The following NCOA2 variants were observed in gnomAD, a reference collection of about 807,000 sequenced individuals.
NCOA2 encodes the protein class E basic helix-loop-helix protein 75.
A neutral mutation model predicts 145.1 loss-of-function variants in NCOA2; 21 were observed. The observed-to-expected ratio is 0.14, with a 90% CI of 0.10 to 0.21. The LOEUF is 0.21. Among genes scored for constraint, NCOA2 ranks in the 10% least tolerant of loss-of-function variants. NCOA2 has a pLI of 1.00. For missense variants in NCOA2, 1,472 were observed against 1,837.6 expected (o/e 0.80, Z 3.64); for synonymous variants, 619 against 637.5 (o/e 0.97, Z 0.44).
chr8:70,161,101 G>A (rs1324408442), intron 9 of NCOA2, among the ~76,000 whole-genome samples: 1 of 152,138 alleles, frequency 6.6e-6, no homozygotes, highest in African/African-American at 2.4e-5. Context: ...TTTAAACAAC[G>A]CTTTGCAGTA....
At chr8:70,179,860 C>T (rs1045673051) in intron 4 of NCOA2, among the ~76,000 whole-genome samples, 2 of 152,174 alleles carry the variant, frequency 1.3e-5, no homozygotes, top group African/African-American at 2.4e-5. Context: ...TCAGAGACTA[C>T]TAGAATATTT....
chr8:70,446,423 A>G, the NCOA2 span, among the ~76,000 whole-genome samples: 1 of 152,146 alleles, frequency 6.6e-6, no homozygotes, highest in Non-Finnish European at 1.5e-5. Context: ...GACATTCACA[A>G]AAACCCTCCC....
chr8:70,186,117 G>A (rs892195950), intron 4 of NCOA2, among the ~76,000 whole-genome samples: 1 of 151,950 alleles, frequency 6.6e-6, no homozygotes, highest in Non-Finnish European at 1.5e-5. Flanking sequence ...CCCATCTTGG[G>A]GAAAGGAGCC....
chr8:70,354,705 A>G (rs1809528469), intron 1 of NCOA2, among the ~76,000 whole-genome samples: 1 of 152,220 alleles, frequency 6.6e-6, no homozygotes, highest in Non-Finnish European at 1.5e-5. Context: ...TAGATGAACT[A>G]ATATTAAGAG....
rs143170046 is a variant in NCOA2, at chr8:70,187,801, A to T, written c.260-12942T>A. Among the ~76,000 whole-genome samples, 153 of 152,320 alleles carry T rather than the reference A, an allele frequency of 1.0e-3. 1 individual carries two copies. The highest frequency in any genetic ancestry group is 1.8e-3 in the Non-Finnish European group (123 of 68,020). On this transcript the variant is annotated intron_variant, in intron 4 of 22. Coordinates refer to ENST00000452400, the MANE Select transcript of NCOA2 (RefSeq NM_006540.4). ...TTCCCCACCATTCTACAACCATTCA[A>T]ATAATGAAATAAAATAAAATCCTCA... is the stretch of plus-strand genomic sequence containing the variant.
intron 1 of NCOA2, among the ~76,000 whole-genome samples, chr8:70,351,410 T>C (rs1809195212): frequency 6.6e-6 from 1 of 152,148 alleles, no homozygotes; most frequent in Non-Finnish European, 1.5e-5. Flanking sequence ...CTTTAAAGTT[T>C]TGTCTGCTTC....
At chr8:70,361,246 T>TG (rs1322394278) in intron 1 of NCOA2, among the ~76,000 whole-genome samples, 1 of 152,116 alleles carries the variant, frequency 6.6e-6, no homozygotes. Context: ...CCCAGCGCAG[T>TG]GACTCATGCC....
intron 1 of NCOA2, among the ~76,000 whole-genome samples, chr8:70,344,562 G>A (rs1370347459): frequency 6.6e-6 from 1 of 152,206 alleles, no homozygotes; most frequent in Non-Finnish European, 1.5e-5. Context: ...AACAGCGGCA[G>A]TATTAAATGG....
At chr8:70,166,464 G>A (rs1813628948) in intron 7 of NCOA2, 102 bp downstream of exon 7, 2 of 1,301,076 alleles carry the variant, frequency 1.5e-6, no homozygotes, top group Non-Finnish European at 2.2e-6. Flanking sequence ...CAAAGATACT[G>A]CCTCCTCACT....
intron 1 of NCOA2, among the ~76,000 whole-genome samples, chr8:70,354,671 T>C (rs921152149): frequency 1.3e-5 from 2 of 152,212 alleles, no homozygotes; most frequent in Non-Finnish European, 2.9e-5. Flanking sequence ...CAATGGTATC[T>C]ACTAGGAAAA....
rs78864268 is a variant in NCOA2, at chr8:70,134,251, A to G, written c.3159-2249T>C. Among the ~76,000 whole-genome samples, 517 of 152,332 alleles carry G rather than the reference A, an allele frequency of 3.4e-3. 6 individuals are homozygous for G. The highest frequency in any genetic ancestry group is 0.011 in the African/African-American group (459 of 41,568). ...ATGCAGAAAAGCAGTCAGGAGAGGG[A>G]GAAACCACTGGACTGTCTGCCATGA... On this transcript the variant is annotated intron_variant, in intron 15 of 22. Coordinates refer to ENST00000452400, the MANE Select transcript of NCOA2 (RefSeq NM_006540.4).
intron 9 of NCOA2, among the ~76,000 whole-genome samples, chr8:70,162,407 T>C (rs1813130653): frequency 1.3e-5 from 2 of 152,244 alleles, no homozygotes; most frequent in African/African-American, 2.4e-5. Flanking sequence ...ATCGTTAATA[T>C]TTCTTTTCAT....
At chr8:70,371,878 A>G (rs1014584075) in intron 1 of NCOA2, among the ~76,000 whole-genome samples, 3 of 152,220 alleles carry the variant, frequency 2.0e-5, no homozygotes, top group Non-Finnish European at 2.9e-5. Flanking sequence ...TAAGTTTTTA[A>G]AAGTGCATTA....
At chr8:70,119,196 C>T (rs1047028711) in intron 22 of NCOA2, among the ~76,000 whole-genome samples, 1 of 152,144 alleles carries the variant, frequency 6.6e-6, no homozygotes, top group Admixed American at 6.6e-5. Context: ...CACTTCTCTT[C>T]CTCCTCTCCT....
chr8:70,123,854 C>T lies in NCOA2; in HGVS notation c.4293+30G>A, dbSNP rs368792639. The T allele has an allele frequency of 3.2e-6, 5 of 1,564,644 alleles. No homozygotes were observed. The African/African-American group carries it at 4.1e-5, about 13-fold the overall frequency. ...GTAGAAAAAAAGCCGTGATATGAAG[C>T]CACTGGGTTGCTTCTCCTTGGGCAC... On this transcript the variant is annotated intron_variant, in intron 21 of 22. Transcript: ENST00000452400.
intron 1 of NCOA2, among the ~76,000 whole-genome samples, chr8:70,397,096 C>T (rs1279852237): frequency 6.6e-6 from 1 of 152,134 alleles, no homozygotes; most frequent in African/African-American, 2.4e-5. Flanking sequence ...AGGTTCCTGG[C>T]ACTCAATGAT....
the NCOA2 span, among the ~76,000 whole-genome samples, chr8:70,431,607 A>T: frequency 2.0e-5 from 3 of 152,364 alleles, no homozygotes; most frequent in South Asian, 6.2e-4. Context: ...CCACACTCTC[A>T]TAAAACAAAT....
chr8:70,337,993 T>G (rs1222386602), intron 1 of NCOA2, among the ~76,000 whole-genome samples: 1 of 152,048 alleles, frequency 6.6e-6, no homozygotes, highest in Non-Finnish European at 1.5e-5. Flanking sequence ...GCTAGAAAGA[T>G]CTCAAGTTAA....
intron 2 of NCOA2, among the ~76,000 whole-genome samples, chr8:70,283,133 G>A (rs978038822): frequency 6.6e-6 from 1 of 152,202 alleles, no homozygotes; most frequent in African/African-American, 2.4e-5. Flanking sequence ...CTGTAATTCA[G>A]TGCTAACACT....
Sources: allele counts gnomAD v4.1 joint callset (sites outside exome capture counted in the v4.1 genomes callset), GRCh38; gene constraint gnomAD v4.1.1; transcripts MANE v1.5; gene names NCBI Gene and HGNC (gene_info 2026-07-23, HGNC 2026-07-21).